Variants in NAV2 observed in about 807,000 individuals in gnomAD.
The protein encoded by NAV2 is helicase, APC down-regulated 1.
A neutral mutation model predicts 223.2 loss-of-function variants in NAV2; 54 were observed. The observed-to-expected ratio is 0.24, with a 90% CI of 0.19 to 0.30. NAV2 has a LOEUF of 0.30. NAV2 is among the 10% of genes least tolerant of loss of function. NAV2 has a pLI of 1.00. For synonymous variants in NAV2, 1,279 were observed against 1,239.3 expected (o/e 1.03, Z -0.67); for missense variants, 2,806 against 3,147.5 (o/e 0.89, Z 2.60).
chr11:19,750,111 G>T (rs1326022261), intron 1 of NAV2, among the ~76,000 whole-genome samples: 2 of 152,104 alleles, frequency 1.3e-5, no homozygotes, highest in Non-Finnish European at 2.9e-5. Context: ...GAACCTCTTC[G>T]CTCTCCCTTG....
At chr11:19,967,715 G>C (rs1373254282) in intron 10 of NAV2, among the ~76,000 whole-genome samples, 1 of 152,202 alleles carries the variant, frequency 6.6e-6, no homozygotes, top group Non-Finnish European at 1.5e-5. Context: ...GGAAAACTCT[G>C]TATCCCAGAT....
chr11:19,787,238 A>G (rs1448822048), intron 1 of NAV2, among the ~76,000 whole-genome samples: 2 of 146,912 alleles, frequency 1.4e-5, no homozygotes, highest in Non-Finnish European at 3.0e-5. Flanking sequence ...CTATAGGTAC[A>G]CACCAACATG....
intron 1 of NAV2, among the ~76,000 whole-genome samples, chr11:19,397,746 G>A (rs536826804): frequency 2.6e-4 from 39 of 152,270 alleles, no homozygotes; most frequent in African/African-American, 8.4e-4. Flanking sequence ...CTTCAGCTTA[G>A]CTGCTCTCTT....
intron 1 of NAV2, chr11:19,714,605 G>A (rs1045442073): frequency 7.8e-6 from 3 of 382,614 alleles, no homozygotes; most frequent in African/African-American, 6.3e-5. Context: ...TGGCTGTTGC[G>A]GTGGGGGTGG....
intron 1 of NAV2, among the ~76,000 whole-genome samples, chr11:19,395,576 G>A (rs964953012): frequency 7.2e-5 from 11 of 152,206 alleles, no homozygotes; most frequent in African/African-American, 1.7e-4. Context: ...CCATGCAGGC[G>A]GCTGACAGAC....
intron 1 of NAV2, among the ~76,000 whole-genome samples, chr11:19,786,896 G>T (rs1003477890): frequency 6.6e-6 from 1 of 152,136 alleles, no homozygotes; most frequent in African/African-American, 2.4e-5. Context: ...AGGTGGACGG[G>T]GGTGGGTGCT....
At chr11:19,636,360 C>A (rs1289198164) in intron 1 of NAV2, among the ~76,000 whole-genome samples, 1 of 152,146 alleles carries the variant, frequency 6.6e-6, no homozygotes, top group Non-Finnish European at 1.5e-5. Context: ...GAAGGCCCTG[C>A]CTGTAACTTA....
intron 6 of NAV2, among the ~76,000 whole-genome samples, chr11:19,917,436 G>A (rs1425926181): frequency 6.6e-6 from 1 of 152,088 alleles, no homozygotes; most frequent in East Asian, 1.9e-4. Flanking sequence ...TGTTCTCCTA[G>A]GGCCTGAGTT....
intron 11 of NAV2, among the ~76,000 whole-genome samples, chr11:20,011,945 G>A (rs778957155): frequency 6.6e-6 from 1 of 152,208 alleles, no homozygotes; most frequent in African/African-American, 2.4e-5. Context: ...TGCCAATAAA[G>A]CTTGTATTCT....
intron 10 of NAV2, among the ~76,000 whole-genome samples, chr11:19,982,247 GTTTTGT>G (rs970772996): frequency 1.3e-4 from 18 of 142,956 alleles, no homozygotes; most frequent in East Asian, 4.0e-4. Flanking sequence ...TTTCTTTTTT[GTTTTGT>G]TTTTGTTTTT....
intron 6 of NAV2, among the ~76,000 whole-genome samples, chr11:19,908,263 GC>G (rs1441168941): frequency 6.6e-6 from 1 of 152,170 alleles, no homozygotes; most frequent in East Asian, 1.9e-4. Context: ...TAAACAGAGA[GC>G]TTTTGAGGTC....
chr11:19,609,691 C>T (rs1160416546), intron 1 of NAV2, among the ~76,000 whole-genome samples: 2 of 152,168 alleles, frequency 1.3e-5, no homozygotes, highest in African/African-American at 4.8e-5. Flanking sequence ...CCAGCCTTAA[C>T]TGCGGAGGGA....
chr11:19,914,511 G>T (rs950454221), intron 6 of NAV2, among the ~76,000 whole-genome samples: 1 of 151,784 alleles, frequency 6.6e-6, no homozygotes, highest in Non-Finnish European at 1.5e-5. Context: ...AATACAAACC[G>T]CTTAAAATTT....
chr11:19,352,490 G>A (rs1853382004), intron 1 of NAV2, among the ~76,000 whole-genome samples: 1 of 152,192 alleles, frequency 6.6e-6, no homozygotes, highest in Admixed American at 6.5e-5. Context: ...CTCTGGCTGT[G>A]TTGGGTCCAC....
At chr11:20,083,234 G>A (rs2060202458) in intron 26 of NAV2, 55 bp downstream of exon 26, 9 of 1,475,450 alleles carry the variant, frequency 6.1e-6, no homozygotes, top group Non-Finnish European at 7.4e-6. Flanking sequence ...ACCTTCTCCA[G>A]TAGGAATGGC....
At chr11:19,363,638 T>C (rs933741118) in intron 1 of NAV2, among the ~76,000 whole-genome samples, 3 of 152,188 alleles carry the variant, frequency 2.0e-5, no homozygotes, top group African/African-American at 7.2e-5. Context: ...TTCAATTCAA[T>C]TCTGATGCTA....
At chr11:19,524,186 G>C (rs2702687) in intron 1 of NAV2, among the ~76,000 whole-genome samples, 64,332 of 152,012 alleles carry the variant, frequency 0.42, 14,106 homozygotes, top group African/African-American at 0.53. Context: ...TGGTGGCCAC[G>C]ACCAAGCCAG....
chr11:19,998,198 C>G lies in NAV2; in HGVS notation c.2768+13951C>G, dbSNP rs150340331. 4.3e-4 allele frequency among the ~76,000 whole-genome samples: 65 copies of G among 152,108 alleles called. No homozygotes were observed. In the East Asian group the frequency reaches 0.012, roughly 28 times the overall value. ...TTTTCCTCCCCCTTTTCCTTCCAGT[C>G]GGCAAACTCCCCCCAAACAGTTTCA... is the stretch of plus-strand genomic sequence containing the variant. On this transcript the variant is annotated intron_variant, in intron 11 of 37. Coordinates refer to ENST00000349880, the MANE Select transcript of NAV2 (RefSeq NM_145117.5). The surrounding 1 kb of genome is among the most constrained non-coding windows in gnomAD (Gnocchi z 5.0).
At chr11:19,972,988 C>T (rs1372237756) in intron 10 of NAV2, among the ~76,000 whole-genome samples, 3 of 152,218 alleles carry the variant, frequency 2.0e-5, no homozygotes, top group Non-Finnish European at 2.9e-5. Context: ...TAGTTGTTCG[C>T]TGAGGTTGAA....
Sources: allele counts gnomAD v4.1 joint callset (sites outside exome capture counted in the v4.1 genomes callset), GRCh38; gene constraint gnomAD v4.1.1; non-coding constraint Gnocchi (gnomAD v3.1); transcripts MANE v1.5; gene names NCBI Gene and HGNC (gene_info 2026-07-23, HGNC 2026-07-21).